Variants in LRRC7 observed in about 807,000 individuals in gnomAD.
The protein encoded by LRRC7 is leucine-rich repeat-containing protein 7.
A neutral mutation model predicts 175.7 loss-of-function variants in LRRC7; 23 were observed. The ratio of observed to expected loss-of-function variants is 0.13; its 90% CI spans 0.09 to 0.19. LRRC7 has a LOEUF of 0.19. LRRC7 is among the 10% of genes least tolerant of loss of function. The pLI is 1.00. For missense variants in LRRC7, 1,354 were observed against 1,904.7 expected (o/e 0.71, Z 5.38); for synonymous variants, 685 against 680.9 (o/e 1.01, Z -0.09).
At position 69,939,001 on chromosome 1, in the gene LRRC7, A is replaced by ATC. The variant is rs1648356497; in HGVS notation, c.711+7432_711+7433insCT. On this transcript the variant is annotated intron_variant, in intron 8 of 26. Transcript: ENST00000651989. Reference sequence around the variant, plus strand: ...AAGCCACTAAGGCTGTAGATTATATATATATATATATATCTATATATATAT... The same window carrying ATC: ...AAGCCACTAAGGCTGTAGATTATATATCTATATATATATATCTATATATATAT... 2.0e-5 allele frequency among the ~76,000 whole-genome samples: 2 copies of ATC among 98,140 alleles called. 1 individual carries two copies. The highest frequency in any genetic ancestry group is 4.4e-5 in the Non-Finnish European group (2 of 45,620). The allele number at this position is 98,140 out of a possible 152,430, so 64.4% of individuals were successfully genotyped here.
At chr1:69,911,655 A>G (rs1226198643) in intron 7 of LRRC7, among the ~76,000 whole-genome samples, 2 of 152,164 alleles carry the variant, frequency 1.3e-5, no homozygotes, top group African/African-American at 4.8e-5. Flanking sequence ...CCTAGTTGCA[A>G]AAGAAATTTG....
At chr1:69,632,605 A>G (rs1652694692) in intron 1 of LRRC7, among the ~76,000 whole-genome samples, 1 of 152,064 alleles carries the variant, frequency 6.6e-6, no homozygotes, top group Non-Finnish European at 1.5e-5. Flanking sequence ...TTCTCTTCTC[A>G]TAGTGTTTTG....
intron 7 of LRRC7, among the ~76,000 whole-genome samples, chr1:69,910,143 T>A (rs577830711): frequency 2.1e-4 from 32 of 152,310 alleles, no homozygotes; most frequent in Non-Finnish European, 4.3e-4. Context: ...AGGACTTCTC[T>A]GTATTGGTTA....
Position 70,038,507 on chromosome 1 carries a change from G to A in LRRC7, c.2683G>A (p.Ala895Thr), listed in dbSNP as rs1455950577. The A allele has an allele frequency of 1.2e-6, 2 of 1,613,916 alleles. No homozygotes were observed. The highest frequency in any genetic ancestry group is 1.7e-6 in the Non-Finnish European group (2 of 1,179,992). Reference sequence around the variant, plus strand: ...CCCTAGTCCGTTTGAAGACAGGACCGCTTTTCCTTCCAAATTAGAGACAAC... The same window carrying A: ...CCCTAGTCCGTTTGAAGACAGGACCACTTTTCCTTCCAAATTAGAGACAAC... ...RTPSPFEDRT[A>T]FPSKLETTPT... is the part of the protein sequence containing the mutation. Residue 895 changes from alanine (A) to threonine (T), a missense_variant, in exon 21 of 27, where the codon GCT (alanine) becomes ACT (threonine). Ala to Thr is a moderately conservative substitution (Grantham distance 58). Around this residue, in one of 4 missense-constraint regions of LRRC7, gnomAD observed 1,032 missense variants for 1,227.2 expected, o/e 0.84. Transcript: ENST00000651989.
rs1223763844 is a variant in LRRC7 at position 70,129,815 on chromosome 1, T to C, written c.*7928T>C. Among the ~76,000 whole-genome samples, 1 of 152,232 alleles carries C rather than the reference T, an allele frequency of 6.6e-6. No individual in the cohort carries two copies. The highest frequency in any genetic ancestry group is 1.5e-5 in the Non-Finnish European group (1 of 68,046). On this transcript the variant is annotated 3_prime_UTR_variant, in exon 27 of 27. Transcript: ENST00000651989. Reference sequence around the variant, plus strand: ...ACCATGTATCATCAACATCTATTCTTCTAAGGAGTTCTGATCCTCTGAATC... The same window carrying C: ...ACCATGTATCATCAACATCTATTCTCCTAAGGAGTTCTGATCCTCTGAATC...
rs1659634658 is a variant in LRRC7, at chr1:70,039,212, T to C, written c.3388T>C (p.Ser1130Pro). Residue 1130 changes from serine to proline, a missense_variant, in exon 21 of 27, where the codon TCT becomes CCT. By Grantham distance (74) the Ser-to-Pro change is moderately conservative. Transcript: ENST00000651989. Reference sequence around the variant, plus strand: ...GCAAATGTTTTCATTTTCTCAGCCATCTGTGAATGAGGATGCTGTGGTGAA... The same window carrying C: ...GCAAATGTTTTCATTTTCTCAGCCACCTGTGAATGAGGATGCTGTGGTGAA... ...MEQMFSFSQP[S>P]VNEDAVVNAQ... The C allele has an allele frequency of 6.2e-7, 1 of 1,614,066 alleles. No homozygotes were observed. Among genetic ancestry groups the C allele is most frequent in the Non-Finnish European group, 8.5e-7 (1 of 1,179,986 alleles).
At chr1:69,678,707 A>G (rs1326537926) in intron 2 of LRRC7, among the ~76,000 whole-genome samples, 1 of 152,122 alleles carries the variant, frequency 6.6e-6, no homozygotes, top group Non-Finnish European at 1.5e-5. Context: ...ACTGATAATC[A>G]AGTTCCATGT....
chr1:69,966,280 T>C (rs1476304492), intron 8 of LRRC7, among the ~76,000 whole-genome samples: 7 of 152,184 alleles, frequency 4.6e-5, no homozygotes, highest in African/African-American at 1.2e-4. Context: ...ACAGGTTTCA[T>C]TCTGTTGCCT....
intron 16 of LRRC7, among the ~76,000 whole-genome samples, chr1:70,022,869 A>C (rs950095214): frequency 6.6e-6 from 1 of 152,152 alleles, no homozygotes; most frequent in African/African-American, 2.4e-5. Flanking sequence ...TCAACTTTCA[A>C]ATGGACTAGA....
intron 2 of LRRC7, among the ~76,000 whole-genome samples, chr1:69,715,146 T>G (rs1665202911): frequency 6.6e-6 from 1 of 152,170 alleles, no homozygotes; most frequent in Non-Finnish European, 1.5e-5. Context: ...TTTCCTTTTT[T>G]AAATTTTTAA....
intron 1 of LRRC7, among the ~76,000 whole-genome samples, chr1:69,604,691 A>C (rs954434066): frequency 1.3e-5 from 2 of 148,182 alleles, no homozygotes; most frequent in African/African-American, 4.9e-5. Context: ...GTAGTTCTAA[A>C]TATACCATTT....
chr1:70,093,706 T>C (rs1017435138), intron 25 of LRRC7, among the ~76,000 whole-genome samples: 1 of 152,172 alleles, frequency 6.6e-6, no homozygotes, highest in Non-Finnish European at 1.5e-5. Flanking sequence ...AGGAGCATAC[T>C]GTACAGAGAA....
chr1:70,118,898 T>C (rs1360056085), intron 26 of LRRC7, among the ~76,000 whole-genome samples: 4 of 152,154 alleles, frequency 2.6e-5, no homozygotes, highest in Non-Finnish European at 5.9e-5. Flanking sequence ...CTAAATGTTC[T>C]ACATATTGGG....
chr1:69,828,579 G>A (rs1680187642), intron 5 of LRRC7, among the ~76,000 whole-genome samples: 1 of 151,762 alleles, frequency 6.6e-6, no homozygotes, highest in Non-Finnish European at 1.5e-5. Context: ...TACATTAAAG[G>A]GAGAAATAAT....
At chr1:69,709,162 G>GAAATTAAACTCCA (rs1553144006) in intron 2 of LRRC7, among the ~76,000 whole-genome samples, 5 of 152,300 alleles carry the variant, frequency 3.3e-5, no homozygotes, top group Admixed American at 6.5e-5. Flanking sequence ...GCAGTGGTAA[G>GAAATTAAACTCCA]AAATTAAACT....
chr1:69,635,739 G>A (rs1653247467), intron 1 of LRRC7, among the ~76,000 whole-genome samples: 1 of 151,940 alleles, frequency 6.6e-6, no homozygotes, highest in Non-Finnish European at 1.5e-5. Context: ...TTGATAGTGT[G>A]CTTGCACAAC....
chr1:69,975,433 C>T (rs1652714537), intron 8 of LRRC7, among the ~76,000 whole-genome samples: 1 of 152,154 alleles, frequency 6.6e-6, no homozygotes, highest in South Asian at 2.1e-4. Context: ...TTTCCTTCTT[C>T]CACTTCTGTC....
chr1:69,847,505 C>G (rs1023696878), intron 7 of LRRC7, among the ~76,000 whole-genome samples: 1 of 152,068 alleles, frequency 6.6e-6, no homozygotes, highest in African/African-American at 2.4e-5. Flanking sequence ...AAATCATCCT[C>G]CTTGCTCTTT....
chr1:69,810,261 G>A (rs888742514), intron 4 of LRRC7, among the ~76,000 whole-genome samples: 1 of 151,858 alleles, frequency 6.6e-6, no homozygotes, highest in African/African-American at 2.4e-5. Flanking sequence ...CACTGCTCAA[G>A]GAAATAAGAG....
Sources: gnomAD v4.1 joint callset for allele counts (sites outside exome capture counted in the v4.1 genomes callset) on GRCh38, gnomAD v4.1.1 for gene constraint, gnomAD v4.1.1 regional missense constraint, MANE v1.5 for transcripts, NCBI Gene and HGNC (gene_info 2026-07-23, HGNC 2026-07-21) for gene names.